The following HMGCLL1 variants were observed in gnomAD, a reference collection of about 807,000 sequenced individuals.
The protein encoded by HMGCLL1 is 3-hydroxy-3-methylglutaryl-CoA lyase like 1, also known as 3-hydroxymethyl-3-methylglutaryl-CoA lyase, cytoplasmic.
HMGCLL1 carries 36 observed loss-of-function variants against 39.1 expected under a neutral mutation model. The observed-to-expected ratio is 0.92, with a 90% confidence interval of 0.71 to 1.22. The LOEUF is 1.22. Among genes scored for constraint, HMGCLL1 ranks in the 50% most tolerant of loss-of-function variants. HMGCLL1 has a pLI of 0.00. For synonymous variants in HMGCLL1, 149 were observed against 144.0 expected, an observed-to-expected ratio of 1.03 and a Z score of -0.25; for missense variants, 451 against 416.5, an observed-to-expected ratio of 1.08 and a Z score of -0.72.
chr6:55,470,470 T>G (rs984047710), intron 7 of HMGCLL1, among the ~76,000 whole-genome samples: 1 of 151,862 alleles, frequency 6.6e-6, no homozygotes, highest in Non-Finnish European at 1.5e-5. Flanking sequence ...TTGTAATTGA[T>G]AGCTTTGGTT....
At chr6:55,649,952 T>C in the HMGCLL1 span, among the ~76,000 whole-genome samples, 29 of 150,158 alleles carry the variant, frequency 1.9e-4, no homozygotes, top group East Asian at 4.8e-3. Flanking sequence ...TACTTCAATC[T>C]CTTTGTTAAA....
chr6:55,577,293 T>G lies in HMGCLL1; in HGVS notation c.108+1655A>C. 3 of 1,302,134 alleles carry G rather than the reference T, an allele frequency of 2.3e-6. No homozygotes were observed. In the Middle Eastern group the frequency reaches 6.5e-4, roughly 284 times the overall value. The allele number at this position is 1,302,134 out of a possible 1,614,324, so 80.7% of individuals were successfully genotyped here. A position where few individuals can be genotyped will look rare whatever the true frequency, so the allele number is the denominator to read the frequency against. ...CTAAAACAGAATTATTTTTAAAAAT[T>G]CCCGAGAACACAAAAAGAAGCATAA... On this transcript the variant is annotated intron_variant, in intron 1 of 8. Coordinates refer to ENST00000274901, the MANE Select transcript of HMGCLL1 (RefSeq NM_001042406.2).
the HMGCLL1 span, among the ~76,000 whole-genome samples, chr6:55,671,836 C>T: frequency 6.6e-6 from 1 of 151,536 alleles, no homozygotes; most frequent in African/African-American, 2.4e-5. Flanking sequence ...TAAATAATTA[C>T]AAAACATAGT....
the HMGCLL1 span, among the ~76,000 whole-genome samples, chr6:55,598,710 C>T: frequency 1.3e-5 from 2 of 152,128 alleles, no homozygotes; most frequent in South Asian, 2.1e-4. Context: ...AGTTTTCAAG[C>T]TTGCAAACGT....
chr6:55,580,527 T>C (rs887282908), upstream of HMGCLL1, among the ~76,000 whole-genome samples: 1 of 143,406 alleles, frequency 7.0e-6, no homozygotes, highest in African/African-American at 2.6e-5. Flanking sequence ...GCCATTCTCC[T>C]GCCTCGGCCT....
At chr6:55,482,327 C>G (rs1330316455) in intron 7 of HMGCLL1, among the ~76,000 whole-genome samples, 2 of 152,014 alleles carry the variant, frequency 1.3e-5, no homozygotes, top group African/African-American at 4.8e-5. Context: ...TTGCTTTCAC[C>G]TCTTTATTGA....
At chr6:55,650,132 TATACACACAC>T in the HMGCLL1 span, among the ~76,000 whole-genome samples, 507 of 50,732 alleles carry the variant, frequency 1.0e-2, 5 homozygotes, top group East Asian at 0.036. Flanking sequence ...TATATATATA[TATACACACAC>T]ACACACATAT....
chr6:55,447,495 C>T (rs967091145), intron 7 of HMGCLL1, among the ~76,000 whole-genome samples: 2 of 151,914 alleles, frequency 1.3e-5, no homozygotes, highest in African/African-American at 4.8e-5. Flanking sequence ...TTCACTCCTC[C>T]TTGCCTTCAA....
At chr6:55,485,890 CA>C (rs1369614257) in intron 7 of HMGCLL1, among the ~76,000 whole-genome samples, 1 of 151,372 alleles carries the variant, frequency 6.6e-6, no homozygotes, top group Non-Finnish European at 1.5e-5. Context: ...CATAATATAT[CA>C]AAAAACCCCT....
chr6:55,541,773 C>T lies in HMGCLL1; in HGVS notation c.253G>A (p.Val85Ile). ...GACACAAAGCTAGTCACTTCTATTA[C>T]AGACAAGCCAGTTTGGGAAAGTCGA... ...INRLSQTGLS[V>I]IEVTSFVSSR... Residue 85 changes from valine to isoleucine, a missense_variant, in exon 3 of 9, where the codon GTA becomes ATA. Coordinates refer to ENST00000274901, the MANE Select transcript of HMGCLL1 (RefSeq NM_001042406.2). 1 of 1,610,114 alleles carries T rather than the reference C, an allele frequency of 6.2e-7. No individual in the cohort carries two copies. The highest frequency in any genetic ancestry group is 1.1e-5 in the South Asian group (1 of 90,472).
chr6:55,622,197 A>G, the HMGCLL1 span, among the ~76,000 whole-genome samples: 1 of 152,094 alleles, frequency 6.6e-6, no homozygotes, highest in Non-Finnish European at 1.5e-5. Flanking sequence ...TTCCAAATAT[A>G]CAATGATGTC....
At chr6:55,674,369 T>C in the HMGCLL1 span, among the ~76,000 whole-genome samples, 11 of 150,038 alleles carry the variant, frequency 7.3e-5, no homozygotes, top group African/African-American at 2.7e-4. Flanking sequence ...TGGATAGCCA[T>C]GGGCAACAAA....
At chr6:55,518,203 G>A (rs2127439226) in intron 3 of HMGCLL1, among the ~76,000 whole-genome samples, 1 of 152,212 alleles carries the variant, frequency 6.6e-6, no homozygotes, top group East Asian at 1.9e-4. Flanking sequence ...GAAGTAGTTA[G>A]TAGTATAGTT....
At chr6:55,662,161 C>T in the HMGCLL1 span, among the ~76,000 whole-genome samples, 1 of 151,480 alleles carries the variant, frequency 6.6e-6, no homozygotes, top group African/African-American at 2.4e-5. Context: ...CCTTCCTTCC[C>T]CTTTGGATGC....
At chr6:55,471,582 T>G (rs1765047859) in intron 7 of HMGCLL1, among the ~76,000 whole-genome samples, 1 of 151,736 alleles carries the variant, frequency 6.6e-6, no homozygotes, top group Admixed American at 6.6e-5. Flanking sequence ...ACATTTAAAT[T>G]TGCATTTTTC....
intron 7 of HMGCLL1, among the ~76,000 whole-genome samples, chr6:55,480,506 G>A (rs1454103135): frequency 2.6e-5 from 4 of 151,634 alleles, no homozygotes; most frequent in Admixed American, 6.6e-5. Flanking sequence ...ACTCTCATAC[G>A]CTGTTGGTTA....
At position 55,573,068 on chromosome 6, in the gene HMGCLL1, G is replaced by A. The variant is rs367710392; in HGVS notation, c.108+5880C>T. 9.2e-5 allele frequency among the ~76,000 whole-genome samples: 14 copies of A among 152,270 alleles called. No homozygotes were observed. In the South Asian group the frequency reaches 2.3e-3, roughly 25 times the overall value. ...TGAATTCAGGTCTCAGCAAGGAGGA[G>A]CAACCCTGGTAAACATTTTAGGTTT... On this transcript the variant is annotated intron_variant, in intron 1 of 8. Coordinates refer to ENST00000274901, the MANE Select transcript of HMGCLL1 (RefSeq NM_001042406.2).
At chr6:55,651,904 A>C in the HMGCLL1 span, among the ~76,000 whole-genome samples, 3 of 151,620 alleles carry the variant, frequency 2.0e-5, no homozygotes, top group African/African-American at 7.3e-5. Context: ...TCTCTGAGTC[A>C]CTCCACTCTC....
At chr6:55,510,899 A>G (rs1418680909) in intron 5 of HMGCLL1, among the ~76,000 whole-genome samples, 6 of 151,494 alleles carry the variant, frequency 4.0e-5, no homozygotes, top group Non-Finnish European at 1.5e-5. Flanking sequence ...CTTACTAAGA[A>G]TTTCCTTTTT....
Sources: allele counts gnomAD v4.1 joint callset (sites outside exome capture counted in the v4.1 genomes callset), GRCh38; gene constraint gnomAD v4.1.1; transcripts MANE v1.5; gene names NCBI Gene and HGNC (gene_info 2026-07-23, HGNC 2026-07-21).